Variants in EPHA6 observed in about 807,000 individuals in gnomAD.
EPHA6 encodes ephrin type-A receptor 6.
A neutral mutation model predicts 112.0 loss-of-function variants in EPHA6; 50 were observed. The observed-to-expected ratio is 0.45, with a 90% CI of 0.36 to 0.56. The LOEUF (loss-of-function observed/expected upper bound fraction) is 0.56. Among genes scored for constraint, EPHA6 ranks in the 20% least tolerant of loss-of-function variants. The probability of loss-of-function intolerance (pLI) is 0.00; values close to 1 mark genes in which losing one functional copy is unlikely to be tolerated. For missense variants in EPHA6, 1,280 were observed against 1,417.4 expected (o/e 0.90, Z 1.56); for synonymous variants, 529 against 490.7 (o/e 1.08, Z -1.03).
rs147512560 is a variant in EPHA6 at position 96,882,446 on chromosome 3, C to T, written c.450+15557C>T. Among the ~76,000 whole-genome samples the T allele has an allele frequency of 4.2e-3, 632 of 152,154 alleles. 2 individuals are homozygous for T. Among genetic ancestry groups the T allele is most frequent in the Admixed American group, 6.3e-3 (97 of 15,282 alleles). On this transcript the variant is annotated intron_variant, in intron 2 of 17. Coordinates refer to ENST00000389672, the MANE Select transcript of EPHA6 (RefSeq NM_001080448.3). Reference sequence around the variant, plus strand: ...GGTGATTTGTGAGATTTTGGTGCACCTATCACCTGAGCAGTATACACTACA... The same window carrying T: ...GGTGATTTGTGAGATTTTGGTGCACTTATCACCTGAGCAGTATACACTACA...
chr3:97,256,933 T>C (rs149004578), intron 5 of EPHA6, among the ~76,000 whole-genome samples: 265 of 152,172 alleles, frequency 1.7e-3, no homozygotes, highest in African/African-American at 6.0e-3. Flanking sequence ...AATTAGCTTA[T>C]GTATCAGAAA....
chr3:97,555,437 A>G (rs1022046293), intron 11 of EPHA6, among the ~76,000 whole-genome samples: 1 of 152,114 alleles, frequency 6.6e-6, no homozygotes, highest in Non-Finnish European at 1.5e-5. Context: ...TCCTTTGGGT[A>G]TATACCTAGT....
chr3:96,978,652 G>T (rs577230001), intron 2 of EPHA6, among the ~76,000 whole-genome samples: 1 of 151,958 alleles, frequency 6.6e-6, no homozygotes, highest in Non-Finnish European at 1.5e-5. Context: ...TTTATTTTAA[G>T]TAGAAGAAGA....
chr3:97,325,141 A>T (rs976201505), intron 5 of EPHA6, among the ~76,000 whole-genome samples: 1 of 152,132 alleles, frequency 6.6e-6, no homozygotes, highest in African/African-American at 2.4e-5. Flanking sequence ...CAACTGTAAA[A>T]TGGGGATAAT....
intron 1 of EPHA6, among the ~76,000 whole-genome samples, chr3:96,835,711 C>A (rs937126695): frequency 1.3e-5 from 2 of 151,956 alleles, no homozygotes; most frequent in African/African-American, 4.8e-5. Flanking sequence ...GAAAAAACAC[C>A]CATATTTGAG....
In EPHA6 at chr3:97,736,074, C is replaced by G. The variant is rs755830817; in HGVS notation, c.3084C>G (p.Ile1028Met). 3.7e-6 allele frequency: 6 copies of G among 1,612,408 alleles called. No homozygotes were observed. ...TDIVSFLDKL[I>M]RNPSALHTLV... is the part of the protein sequence containing the mutation. ...TTGTCAGCTTCCTTGACAAACTGAT[C>G]CGAAATCCCAGTGCCCTTCACACCC... is the stretch of plus-strand genomic sequence containing the variant. Residue 1028 changes from isoleucine to methionine, a missense_variant, in exon 16 of 18, where the codon ATC (isoleucine) becomes ATG (methionine). Physicochemically the swap from Ile to Met is conservative, Grantham distance 10. Transcript: ENST00000389672.
chr3:97,701,047 G>C (rs1412871464), intron 14 of EPHA6, among the ~76,000 whole-genome samples: 2 of 152,182 alleles, frequency 1.3e-5, no homozygotes, highest in South Asian at 2.1e-4. Context: ...ACAGTATCCA[G>C]AGCATCTGTC....
intron 3 of EPHA6, among the ~76,000 whole-genome samples, chr3:97,128,648 G>A (rs556443194): frequency 2.0e-5 from 3 of 151,978 alleles, no homozygotes; most frequent in Admixed American, 2.0e-4. Flanking sequence ...TTAAGTAGCT[G>A]GAACCGCAGG....
intron 10 of EPHA6, among the ~76,000 whole-genome samples, chr3:97,489,822 G>A (rs1000714398): frequency 6.8e-6 from 1 of 147,968 alleles, no homozygotes; most frequent in Non-Finnish European, 1.5e-5. Context: ...TTTAAATAAC[G>A]TAAAACTATT....
rs142206081 is a variant in EPHA6 at position 97,179,941 on chromosome 3, G to A, written c.1115-46323G>A. On this transcript the variant is annotated intron_variant, in intron 3 of 17. Transcript: ENST00000389672. ...GACCCTGGAGCTTTATAATCAGCAG[G>A]TGGCAAAGTCAGCCAGGTCTGTTTC... 1.5e-4 allele frequency among the ~76,000 whole-genome samples: 23 copies of A among 152,126 alleles called. 1 individual carries two copies. Among genetic ancestry groups the A allele is most frequent in the Non-Finnish European group, 2.6e-4 (18 of 67,974 alleles).
intron 10 of EPHA6, among the ~76,000 whole-genome samples, chr3:97,512,056 A>T (rs1227108869): frequency 1.3e-5 from 2 of 152,204 alleles, no homozygotes; most frequent in Non-Finnish European, 2.9e-5. Context: ...TTTTTTAAGT[A>T]TGATGAATAT....
intron 14 of EPHA6, among the ~76,000 whole-genome samples, chr3:97,681,326 A>G (rs2031845098): frequency 1.3e-5 from 2 of 152,106 alleles, no homozygotes; most frequent in Admixed American, 6.6e-5. Context: ...CAGTATCTCA[A>G]ATTTTCAATT....
At position 97,625,869 on chromosome 3, in the gene EPHA6, G is replaced by A. The variant is rs1399171249; in HGVS notation, c.2575-12004G>A. Among the ~76,000 whole-genome samples the A allele has an allele frequency of 1.5e-4, 23 of 151,706 alleles. No homozygotes were observed. In the Admixed American group the frequency reaches 1.5e-3, roughly 10 times the overall value. Reference sequence around the variant, plus strand: ...AAATCAAGGAACCTAGTGGAGGATTGACTTTGGAGAGTAGAAGCCGCCACA... The same window carrying A: ...AAATCAAGGAACCTAGTGGAGGATTAACTTTGGAGAGTAGAAGCCGCCACA... On this transcript the variant is annotated intron_variant, in intron 13 of 17. Coordinates refer to ENST00000389672, the MANE Select transcript of EPHA6 (RefSeq NM_001080448.3).
At chr3:96,948,129 A>T (rs62263702) in intron 2 of EPHA6, among the ~76,000 whole-genome samples, 1 of 152,230 alleles carries the variant, frequency 6.6e-6, no homozygotes, top group South Asian at 2.1e-4. Flanking sequence ...TTAAATAAGT[A>T]TGAAGGCAAA....
Position 97,656,045 on chromosome 3 carries a change from C to T in EPHA6, c.2784+17963C>T, listed in dbSNP as rs546892349. 8.3e-4 allele frequency among the ~76,000 whole-genome samples: 125 copies of T among 151,164 alleles called. No individual in the cohort carries two copies. In the South Asian group the frequency reaches 9.4e-3, roughly 11 times the overall value. On this transcript the variant is annotated intron_variant, in intron 14 of 17. Coordinates refer to ENST00000389672, the MANE Select transcript of EPHA6 (RefSeq NM_001080448.3). ...GTGAGTATTGTACTTTTATGGTAAA[C>T]GAAAGTATTCTACAGTGAGTATTGT...
At chr3:97,212,998 G>T (rs1220920547) in intron 3 of EPHA6, among the ~76,000 whole-genome samples, 2 of 152,152 alleles carry the variant, frequency 1.3e-5, no homozygotes, top group Non-Finnish European at 2.9e-5. Flanking sequence ...CGGACTGCTT[G>T]TCTGATACCT....
In EPHA6 at chr3:96,915,771, C is replaced by T. The variant is rs993711443; in HGVS notation, c.450+48882C>T. On this transcript the variant is annotated intron_variant, in intron 2 of 17. Coordinates refer to ENST00000389672, the MANE Select transcript of EPHA6 (RefSeq NM_001080448.3). ...AGAGATAGCACATACTTACTGTGCT[C>T]ATTGTTCCAGGCATTGTTCTTAGCA... Among the ~76,000 whole-genome samples, 10 of 152,152 alleles carry T rather than the reference C, an allele frequency of 6.6e-5. 1 individual carries two copies. In the South Asian group the frequency reaches 2.1e-3, roughly 32 times the overall value.
chr3:97,260,138 T>C lies in EPHA6; in HGVS notation c.1606+15851T>C, dbSNP rs532305764. On this transcript the variant is annotated intron_variant, in intron 5 of 17. Transcript: ENST00000389672. ...TTAAGTAACATGTTAAATTATAAGA[T>C]ACAAATTGTAAATGCTTTAGTTTAG... Among the ~76,000 whole-genome samples the C allele has an allele frequency of 1.5e-4, 23 of 152,296 alleles. 1 individual carries two copies. The highest frequency in any genetic ancestry group is 1.2e-3 in the East Asian group (6 of 5,166).
chr3:96,830,280 G>A (rs1209754978), intron 1 of EPHA6, among the ~76,000 whole-genome samples: 1 of 151,872 alleles, frequency 6.6e-6, no homozygotes, highest in African/African-American at 2.4e-5. Context: ...TGAAAAACTC[G>A]AACATGTTTT....
Sources: gnomAD v4.1 joint callset for allele counts (sites outside exome capture counted in the v4.1 genomes callset) on GRCh38, gnomAD v4.1.1 for gene constraint, MANE v1.5 for transcripts, NCBI Gene and HGNC (gene_info 2026-07-23, HGNC 2026-07-21) for gene names.